FYTTD1: variants seen among roughly 807,000 people sequenced by gnomAD.
FYTTD1 encodes the protein forty-two-three domain containing 1, also known as UAP56-interacting factor.
Under a neutral mutation model 40.9 loss-of-function variants are expected in FYTTD1, and 22 were observed. The observed-to-expected ratio is 0.54, with a 90% CI of 0.38 to 0.77. The LOEUF is 0.77. FYTTD1 is among the 30% of genes least tolerant of loss of function. The probability of loss-of-function intolerance (pLI) is 0.00; values close to 1 mark genes in which losing one functional copy is unlikely to be tolerated. For missense variants in FYTTD1, 351 were observed against 392.2 expected (o/e 0.90, Z 0.89); for synonymous variants, 140 against 137.9 (o/e 1.01, Z -0.10).
intron 2 of FYTTD1, among the ~76,000 whole-genome samples, chr3:197,762,483 G>A (rs1236913783): frequency 6.6e-6 from 1 of 151,992 alleles, no homozygotes; most frequent in African/African-American, 2.4e-5. Context: ...CAGCTACTCG[G>A]GAGGCTGAGG....
intron 6 of FYTTD1, 86 bp downstream of exon 6, chr3:197,774,296 G>T: frequency 1.8e-6 from 2 of 1,089,440 alleles, no homozygotes; most frequent in South Asian, 1.3e-5. Context: ...CAGTCCAGAA[G>T]AAATTAATTG....
intron 2 of FYTTD1, among the ~76,000 whole-genome samples, chr3:197,758,052 C>T (rs530704102): frequency 1.3e-5 from 2 of 152,218 alleles, no homozygotes; most frequent in South Asian, 4.1e-4. Context: ...TACAGGCATG[C>T]GCCACCATGC....
At position 197,755,611 on chromosome 3, in the gene FYTTD1, A is replaced by AATTTATTTATTTATTTATTT. The variant is rs10554264; in HGVS notation, c.104-786_104-767dup. 3 of 201,108 alleles carry AATTTATTTATTTATTTATTT rather than the reference A, an allele frequency of 1.5e-5. No homozygotes were observed. The East Asian group carries it at 3.3e-4, about 22-fold the overall frequency. The allele number at this position is 201,108 out of a possible 1,614,324, so 12.5% of individuals were successfully genotyped here. ...CAGGCATGCACCGCCATACCCGGCT[A>AATTTATTTATTTATTTATTT]ATTTATTTATTTATTTATTTATTTA... On this transcript the variant is annotated intron_variant, in intron 1 of 8. Coordinates refer to ENST00000241502, the MANE Select transcript of FYTTD1 (RefSeq NM_032288.7).
chr3:197,774,738 G>A (rs575364472), intron 6 of FYTTD1, among the ~76,000 whole-genome samples: 3 of 141,866 alleles, frequency 2.1e-5, no homozygotes, highest in African/African-American at 8.1e-5. Flanking sequence ...TAGCTCGATC[G>A]CCAGTGCACA....
In FYTTD1 at chr3:197,787,138, A is replaced by T. The variant is rs532836309; in HGVS notation, c.*5229A>T. ...TTTTTTTTTTTTTTTTTTTGGAGAC[A>T]GTCTTGCTCTGTTGCCCAGGCTGGA... On this transcript the variant is annotated 3_prime_UTR_variant, in exon 9 of 9. Transcript: ENST00000241502. 8.7e-6 allele frequency: 1 copy of T among 115,002 alleles called. No individual in the cohort carries two copies. Among genetic ancestry groups the T allele is most frequent in the Non-Finnish European group, 1.7e-5 (1 of 58,718 alleles). 7.1% of individuals were successfully genotyped at this position (115,002 alleles called of 1,614,324 possible).
intron 8 of FYTTD1, 148 bp from the exon 9 acceptor site, chr3:197,781,663 G>A: frequency 1.7e-6 from 1 of 577,860 alleles, no homozygotes; most frequent in East Asian, 2.9e-5. Flanking sequence ...CTTTATATGA[G>A]GTCATACATG....
At position 197,784,375 on chromosome 3, in the gene FYTTD1, A is replaced by G. The variant is rs1730107610; in HGVS notation, c.*2466A>G. The stretch of plus-strand genomic sequence containing the variant: ...ACGAAGAACTTTGTAGTGGTTATCT[A>G]TATTTGTAGTTTTTAGGGTGTGAAA... On this transcript the variant is annotated 3_prime_UTR_variant, in exon 9 of 9. Transcript: ENST00000241502. 6.6e-6 allele frequency: 1 copy of G among 152,236 alleles called. No homozygotes were observed. Among genetic ancestry groups the G allele is most frequent in the Non-Finnish European group, 1.5e-5 (1 of 68,044 alleles). The allele number at this position is 152,236 out of a possible 1,614,324, so 9.4% of individuals were successfully genotyped here. A position where few individuals can be genotyped will look rare whatever the true frequency, so the allele number is the denominator to read the frequency against.
chr3:197,753,634 T>C (rs1729130964), intron 1 of FYTTD1, among the ~76,000 whole-genome samples: 1 of 152,174 alleles, frequency 6.6e-6, no homozygotes, highest in African/African-American at 2.4e-5. Context: ...TGGTAGCTCA[T>C]TTGACTTATT....
chr3:197,777,584 A>G (rs1729912025), intron 7 of FYTTD1, among the ~76,000 whole-genome samples: 1 of 152,178 alleles, frequency 6.6e-6, no homozygotes, highest in South Asian at 2.1e-4. Flanking sequence ...ATGATGGTAT[A>G]CATGCTACTT....
At chr3:197,751,812 C>T (rs1202056051) in intron 1 of FYTTD1, among the ~76,000 whole-genome samples, 20 of 152,046 alleles carry the variant, frequency 1.3e-4, no homozygotes, top group Admixed American at 1.2e-3. Context: ...ATGGAGAGCA[C>T]GGAACCCAGA....
intron 6 of FYTTD1, among the ~76,000 whole-genome samples, chr3:197,774,893 T>C (rs1365443942): frequency 6.6e-6 from 1 of 152,252 alleles, no homozygotes; most frequent in African/African-American, 2.4e-5. Flanking sequence ...ATGGAGACTG[T>C]CTCCAAAAAA....
intron 2 of FYTTD1, among the ~76,000 whole-genome samples, chr3:197,766,689 C>T (rs1375656132): frequency 6.6e-6 from 1 of 152,040 alleles, no homozygotes; most frequent in East Asian, 1.9e-4. Context: ...GCAATCCATC[C>T]TTCTCAGTCT....
rs984304312 is a variant in FYTTD1 at position 197,784,873 on chromosome 3, A to C, written c.*2964A>C. The stretch of plus-strand genomic sequence containing the variant: ...GAGCCTTTAGAGACTAATCCAGTTT[A>C]ACCCCTCCTTTTTACACCTTAGTAA... On this transcript the variant is annotated 3_prime_UTR_variant, in exon 9 of 9. Coordinates refer to ENST00000241502, the MANE Select transcript of FYTTD1 (RefSeq NM_032288.7). 1.3e-5 allele frequency: 2 copies of C among 152,208 alleles called. No individual in the cohort carries two copies. The highest frequency in any genetic ancestry group is 2.4e-5 in the African/African-American group (1 of 41,462). The allele number at this position is 152,208 out of a possible 1,614,324, so 9.4% of individuals were successfully genotyped here. A position where few individuals can be genotyped will look rare whatever the true frequency, so the allele number is the denominator to read the frequency against.
In FYTTD1 at chr3:197,768,572, A is replaced by T; in HGVS notation, c.369A>T (p.Pro123=). 1 of 1,613,406 alleles carries T rather than the reference A, an allele frequency of 6.2e-7. No homozygotes were observed. The highest frequency in any genetic ancestry group is 8.5e-7 in the Non-Finnish European group (1 of 1,179,598). Reference sequence around the variant, plus strand: ...AAGGAATTAGTCCTATGAATCGTCCACCTCTAAGTGACAAGGTAGGATGAT... The same window carrying T: ...AAGGAATTAGTCCTATGAATCGTCCTCCTCTAAGTGACAAGGTAGGATGAT... ...IRKGISPMNR[P]PLSDKNIEQY... Residue 123 remains proline, a synonymous_variant, in exon 3 of 9, where the codon CCA becomes CCT. Coordinates refer to ENST00000241502, the MANE Select transcript of FYTTD1 (RefSeq NM_032288.7).
Position 197,767,349 on chromosome 3 carries a change from A to G in FYTTD1, c.236-1090A>G, listed in dbSNP as rs1049801599. Among the ~76,000 whole-genome samples the G allele has an allele frequency of 1.3e-5, 2 of 151,096 alleles. 1 individual carries two copies. Among genetic ancestry groups the G allele is most frequent in the Non-Finnish European group, 2.9e-5 (2 of 67,876 alleles). Reference sequence around the variant, plus strand: ...CAGATGGGGTTTCACTGTGTTTGCCAGGATGGTCTCGATCTCCTGACCTTG... The same window carrying G: ...CAGATGGGGTTTCACTGTGTTTGCCGGGATGGTCTCGATCTCCTGACCTTG... On this transcript the variant is annotated intron_variant, in intron 2 of 8. Coordinates refer to ENST00000241502, the MANE Select transcript of FYTTD1 (RefSeq NM_032288.7).
intron 4 of FYTTD1, 103 bp from the exon 5 acceptor site, chr3:197,773,300 C>G (rs1199123160): frequency 3.0e-6 from 2 of 659,170 alleles, no homozygotes; most frequent in Admixed American, 5.8e-5. Context: ...TTTCTTGCAC[C>G]TCATGTTTGC....
chr3:197,776,839 C>A, intron 6 of FYTTD1, 88 bp from the exon 7 acceptor site: 1 of 828,684 alleles, frequency 1.2e-6, no homozygotes. Flanking sequence ...AAAGTAATGG[C>A]TACTTTTAAT....
At chr3:197,751,984 G>T (rs1393411742) in intron 1 of FYTTD1, among the ~76,000 whole-genome samples, 1 of 152,056 alleles carries the variant, frequency 6.6e-6, no homozygotes, top group Admixed American at 6.6e-5. Context: ...CAGTTCTCCT[G>T]CCTCAGCCTC....
chr3:197,761,110 G>T (rs1350811963), intron 2 of FYTTD1, among the ~76,000 whole-genome samples: 2 of 151,192 alleles, frequency 1.3e-5, no homozygotes, highest in Non-Finnish European at 2.9e-5. Context: ...GTGGTAGACT[G>T]TATAGAGTGT....
Sources: allele counts gnomAD v4.1 joint callset (sites outside exome capture counted in the v4.1 genomes callset), GRCh38; gene constraint gnomAD v4.1.1; transcripts MANE v1.5; gene names NCBI Gene and HGNC (gene_info 2026-07-23, HGNC 2026-07-21).